The following PCGF5 variants were observed in gnomAD, a reference collection of about 807,000 sequenced individuals.
PCGF5 encodes the protein polycomb group RING finger protein 5.
A neutral mutation model predicts 44.3 loss-of-function variants in PCGF5; 9 were observed. The ratio of observed to expected loss-of-function variants is 0.20; its 90% CI spans 0.12 to 0.35. PCGF5 has a LOEUF of 0.35. Ranked by LOEUF, PCGF5 falls within the 10% of genes least tolerant of loss-of-function variation. PCGF5 has a pLI of 1.00. For missense variants in PCGF5, 146 were observed against 305.3 expected, an observed-to-expected ratio of 0.48 and a Z score of 3.89; for synonymous variants, 95 against 102.5, an observed-to-expected ratio of 0.93 and a Z score of 0.44.
chr10:91,259,983 A>G (rs1338013077), intron 6 of PCGF5, among the ~76,000 whole-genome samples: 1 of 151,868 alleles, frequency 6.6e-6, no homozygotes, highest in African/African-American at 2.4e-5. Flanking sequence ...ATTAAACTAA[A>G]GAGCTTCTGC....
upstream of PCGF5, among the ~76,000 whole-genome samples, chr10:91,160,534 C>T (rs1435665951): frequency 6.6e-6 from 1 of 152,126 alleles, no homozygotes. Flanking sequence ...AGGATAATTC[C>T]TAATCTCTTC....
upstream of PCGF5, chr10:91,162,993 G>A (rs1194460972): frequency 1.4e-5 from 2 of 144,804 alleles, no homozygotes; most frequent in African/African-American, 5.0e-5. Context: ...CCGCCGGCGC[G>A]GGCTCCCTCA....
intron 1 of PCGF5, among the ~76,000 whole-genome samples, chr10:91,181,933 A>G (rs917359089): frequency 6.6e-6 from 1 of 152,154 alleles, no homozygotes. Flanking sequence ...TATTTCCAGT[A>G]GGAATGGTAG....
chr10:91,263,460 C>T (rs1452183066), intron 7 of PCGF5, among the ~76,000 whole-genome samples: 2 of 152,136 alleles, frequency 1.3e-5, no homozygotes, highest in African/African-American at 4.8e-5. Flanking sequence ...TGAAACTATA[C>T]TCATCTTAAA....
chr10:91,215,148 C>G (rs1417872082), intron 1 of PCGF5, among the ~76,000 whole-genome samples: 3 of 152,162 alleles, frequency 2.0e-5, no homozygotes, highest in Non-Finnish European at 4.4e-5. Context: ...TTGTTCAAAT[C>G]AGGAACAACA....
intron 1 of PCGF5, among the ~76,000 whole-genome samples, chr10:91,176,655 T>A (rs1169183817): frequency 6.6e-6 from 1 of 152,222 alleles, no homozygotes; most frequent in Non-Finnish European, 1.5e-5. Flanking sequence ...TTTCATTCAT[T>A]TGATCTTCCA....
chr10:91,255,416 G>A (rs1845723478), intron 6 of PCGF5, among the ~76,000 whole-genome samples: 1 of 152,086 alleles, frequency 6.6e-6, no homozygotes, highest in South Asian at 2.1e-4. Flanking sequence ...AAGGCCCTAA[G>A]CTCTCACCTC....
intron 3 of PCGF5, among the ~76,000 whole-genome samples, chr10:91,246,149 C>T (rs991001146): frequency 2.0e-5 from 3 of 152,096 alleles, no homozygotes; most frequent in Non-Finnish European, 4.4e-5. Context: ...ACAGAAAGGG[C>T]ATCAAAGTAG....
upstream of PCGF5, among the ~76,000 whole-genome samples, chr10:91,160,599 C>CAGGG (rs1437991481): frequency 3.3e-5 from 5 of 151,788 alleles, no homozygotes; most frequent in African/African-American, 1.2e-4. Context: ...CCATCCTGCC[C>CAGGG]AGGGAGGAGT....
intron 3 of PCGF5, among the ~76,000 whole-genome samples, chr10:91,247,991 G>A (rs754183664): frequency 2.6e-5 from 4 of 152,126 alleles, no homozygotes; most frequent in Non-Finnish European, 5.9e-5. Context: ...TGATCTTGGG[G>A]GATGGGCTGT....
intron 1 of PCGF5, among the ~76,000 whole-genome samples, chr10:91,179,268 G>A (rs1226148925): frequency 6.6e-6 from 1 of 152,176 alleles, no homozygotes; most frequent in Non-Finnish European, 1.5e-5. Flanking sequence ...ACATGGGAGA[G>A]GTGAGTTAGA....
At chr10:91,232,926 A>G (rs1014912572) in intron 2 of PCGF5, among the ~76,000 whole-genome samples, 1 of 152,198 alleles carries the variant, frequency 6.6e-6, no homozygotes, top group African/African-American at 2.4e-5. Context: ...GTTCATGGTC[A>G]TGAATTTAAG....
chr10:91,179,438 C>T (rs1397763794), intron 1 of PCGF5, among the ~76,000 whole-genome samples: 2 of 152,112 alleles, frequency 1.3e-5, no homozygotes, highest in East Asian at 1.9e-4. Context: ...CAGATTATTT[C>T]ACCATCCAGG....
chr10:91,225,992 G>A (rs1844824176), intron 2 of PCGF5, among the ~76,000 whole-genome samples: 1 of 152,054 alleles, frequency 6.6e-6, no homozygotes, highest in Non-Finnish European at 1.5e-5. Flanking sequence ...AGTGAGAAAT[G>A]TTAAGTGACA....
intron 1 of PCGF5, among the ~76,000 whole-genome samples, chr10:91,195,320 G>C (rs754537405): frequency 6.6e-6 from 1 of 151,638 alleles, no homozygotes; most frequent in Non-Finnish European, 1.5e-5. Context: ...AGAAAATTTA[G>C]GGTGGAATTA....
intron 1 of PCGF5, among the ~76,000 whole-genome samples, chr10:91,213,107 G>A (rs1844482519): frequency 6.6e-6 from 1 of 152,132 alleles, no homozygotes; most frequent in Admixed American, 6.5e-5. Flanking sequence ...CAGTTTAAGT[G>A]TTTTCAAGGG....
chr10:91,206,823 C>G (rs2421483), intron 1 of PCGF5, among the ~76,000 whole-genome samples: 18 of 152,290 alleles, frequency 1.2e-4, no homozygotes, highest in Admixed American at 1.2e-3. Flanking sequence ...CCCCAGTTAC[C>G]TGCACAGTTT....
chr10:91,210,296 C>T (rs1564634307), intron 1 of PCGF5, among the ~76,000 whole-genome samples: 1 of 152,136 alleles, frequency 6.6e-6, no homozygotes, highest in African/African-American at 2.4e-5. Flanking sequence ...GTTCATTGAA[C>T]GATGTGGAGT....
At chr10:91,238,091 T>C (rs570321738) in intron 2 of PCGF5, among the ~76,000 whole-genome samples, 2 of 152,354 alleles carry the variant, frequency 1.3e-5, no homozygotes, top group African/African-American at 4.8e-5. Flanking sequence ...AATATAAAAT[T>C]ATTGAGATTA....
Sources: gnomAD v4.1 joint callset for allele counts (sites outside exome capture counted in the v4.1 genomes callset) on GRCh38, gnomAD v4.1.1 for gene constraint, MANE v1.5 for transcripts, NCBI Gene and HGNC (gene_info 2026-07-23, HGNC 2026-07-21) for gene names.